Variants in YIPF6 observed in about 807,000 individuals in gnomAD.
YIPF6 encodes the protein Yip1 domain family member 6.
In YIPF6, 3 loss-of-function variants were observed where a neutral mutation model predicts 16.8. The observed-to-expected ratio is 0.18, with a 90% CI of 0.08 to 0.46. YIPF6 has a LOEUF of 0.46. Among genes scored for constraint, YIPF6 ranks in the 20% least tolerant of loss-of-function variants. The pLI is 0.98. For synonymous variants in YIPF6, 67 were observed against 61.9 expected (o/e 1.08, Z -0.38); for missense variants, 145 against 184.9 (o/e 0.78, Z 1.25).
chrX:68,517,649 G>C (rs765076409), intron 3 of YIPF6, among the ~76,000 whole-genome samples: 2 of 112,186 alleles, frequency 1.8e-5, no homozygotes, highest in Admixed American at 1.9e-4. Flanking sequence ...CAGTATGACA[G>C]AGTGGCAAGA....
intron 1 of YIPF6, among the ~76,000 whole-genome samples, chrX:68,506,463 G>A (rs1172346147): frequency 9.1e-6 from 1 of 110,285 alleles, no homozygotes; most frequent in Non-Finnish European, 1.9e-5. Context: ...ACTTTGGGAG[G>A]CCGAGATGGG....
Position 68,531,869 on chromosome X carries a change from T to C in YIPF6, c.593-12T>C. ...TTAAACATTCCTTTTTGTTTTGTCT[T>C]GTTTTGTTTAGCCTCCACAGCTTTC... is the stretch of plus-strand genomic sequence containing the variant. On this transcript the variant is annotated splice_polypyrimidine_tract_variant and intron_variant, in intron 6 of 6. Coordinates refer to ENST00000462683, the MANE Select transcript of YIPF6 (RefSeq NM_173834.4). 4 of 1,123,396 alleles carry C rather than the reference T, an allele frequency of 3.6e-6. No individual in the cohort carries two copies. Among genetic ancestry groups the C allele is most frequent in the Non-Finnish European group, 4.8e-6 (4 of 831,093 alleles). 92.6% of individuals were successfully genotyped at this position (1,123,396 alleles called of 1,213,427 possible). A position where few individuals can be genotyped will look rare whatever the true frequency, so the allele number is the denominator to read the frequency against.
intron 1 of YIPF6, among the ~76,000 whole-genome samples, chrX:68,502,029 A>G (rs1316172588): frequency 3.6e-5 from 4 of 112,536 alleles, no homozygotes; most frequent in Non-Finnish European, 5.6e-5. Context: ...CACACTTAAT[A>G]GAATGCCTGG....
chrX:68,503,642 G>A (rs2079048868), intron 1 of YIPF6, among the ~76,000 whole-genome samples: 2 of 111,495 alleles, frequency 1.8e-5, no homozygotes, highest in South Asian at 7.5e-4. Context: ...CCAACTACCT[G>A]GAGTTAGGCC....
rs2079188220 is a variant in YIPF6 at position 68,535,589 on chromosome X, T to C, written c.*3590T>C. The C allele has an allele frequency of 8.9e-6, 1 of 111,835 alleles. No individual in the cohort carries two copies. The highest frequency in any genetic ancestry group is 2.8e-4 in the East Asian group (1 of 3,559). 9.2% of individuals were successfully genotyped at this position (111,835 alleles called of 1,213,427 possible). A position where few individuals can be genotyped will look rare whatever the true frequency, so the allele number is the denominator to read the frequency against. Reference sequence around the variant, plus strand: ...AAATTAGAAACACTTTTCTAGATTCTGTAGGCTTTTGTTAAAAATAGAGAA... The same window carrying C: ...AAATTAGAAACACTTTTCTAGATTCCGTAGGCTTTTGTTAAAAATAGAGAA... On this transcript the variant is annotated 3_prime_UTR_variant, in exon 7 of 7. Coordinates refer to ENST00000462683, the MANE Select transcript of YIPF6 (RefSeq NM_173834.4).
chrX:68,514,847 C>T (rs900335204), intron 3 of YIPF6: 9 of 112,725 alleles, frequency 8.0e-5, no homozygotes, highest in African/African-American at 2.6e-4. Flanking sequence ...AAACAGACAG[C>T]GTCTCATTCT....
At chrX:68,512,194 T>C (rs1727867755) in intron 2 of YIPF6, among the ~76,000 whole-genome samples, 1 of 111,709 alleles carries the variant, frequency 9.0e-6, no homozygotes, top group South Asian at 3.7e-4. Flanking sequence ...GTGCGGTGGC[T>C]CGCGCCTGTA....
chrX:68,504,546 C>T (rs865928886), intron 1 of YIPF6, among the ~76,000 whole-genome samples: 4 of 111,825 alleles, frequency 3.6e-5, no homozygotes, highest in African/African-American at 1.3e-4. Context: ...AAATACTCCT[C>T]TGTCATTCAG....
chrX:68,530,680 C>A (rs939679801), intron 6 of YIPF6, among the ~76,000 whole-genome samples: 1 of 110,709 alleles, frequency 9.0e-6, no homozygotes, highest in Admixed American at 9.6e-5. Flanking sequence ...CACCGTTCCT[C>A]ATGGCACAGT....
At chrX:68,522,586 G>A (rs908803724) in intron 5 of YIPF6, among the ~76,000 whole-genome samples, 174 bp from the exon 6 acceptor site, 24 of 110,936 alleles carry the variant, frequency 2.2e-4, no homozygotes, top group African/African-American at 7.2e-4. Context: ...TATTACAGGC[G>A]TGAGCCATCG....
chrX:68,536,399 G>T lies in YIPF6; in HGVS notation c.*4400G>T, dbSNP rs2079191649. 9.0e-6 allele frequency: 1 copy of T among 111,462 alleles called. No individual in the cohort carries two copies. The highest frequency in any genetic ancestry group is 3.3e-5 in the African/African-American group (1 of 30,634). The allele number at this position is 111,462 out of a possible 1,213,427, so 9.2% of individuals were successfully genotyped here. A position where few individuals can be genotyped will look rare whatever the true frequency, so the allele number is the denominator to read the frequency against. Reference sequence around the variant, plus strand: ...TGAGAGGTTAAGTAAATTGCCCACGGTCACACAGTAATTTGATTTACAACA... The same window carrying T: ...TGAGAGGTTAAGTAAATTGCCCACGTTCACACAGTAATTTGATTTACAACA... On this transcript the variant is annotated 3_prime_UTR_variant, in exon 7 of 7. Transcript: ENST00000462683.
chrX:68,521,570 A>T, intron 5 of YIPF6, 73 bp downstream of exon 5: 1 of 1,065,662 alleles, frequency 9.4e-7, no homozygotes. Context: ...AATACAGGCT[A>T]GCTAGATTTT....
intron 1 of YIPF6, chrX:68,510,566 A>T (rs966864622): frequency 4.0e-4 from 41 of 101,711 alleles, no homozygotes; most frequent in African/African-American, 1.5e-3. Flanking sequence ...ATTTTATTTT[A>T]TTTTATTTTA....
chrX:68,521,561 A>G lies in YIPF6; in HGVS notation c.434+64A>G. Reference sequence around the variant, plus strand: ...CAGGTAGTATATCTTAGATTAAGGAATACAGGCTAGCTAGATTTTTTTTTT... The same window carrying G: ...CAGGTAGTATATCTTAGATTAAGGAGTACAGGCTAGCTAGATTTTTTTTTT... On this transcript the variant is annotated intron_variant, in intron 5 of 6. Transcript: ENST00000462683. 4 of 1,117,360 alleles carry G rather than the reference A, an allele frequency of 3.6e-6. No homozygotes were observed. The East Asian group carries it at 1.2e-4, about 34-fold the overall frequency. 92.1% of individuals were successfully genotyped at this position (1,117,360 alleles called of 1,213,427 possible).
intron 1 of YIPF6, among the ~76,000 whole-genome samples, chrX:68,508,347 G>C (rs2079067834): frequency 9.1e-6 from 1 of 110,321 alleles, no homozygotes; most frequent in Non-Finnish European, 1.9e-5. Flanking sequence ...CAAGCAATCT[G>C]TCTGCCTTGG....
chrX:68,507,135 A>G (rs903311839), intron 1 of YIPF6, among the ~76,000 whole-genome samples: 1 of 112,246 alleles, frequency 8.9e-6, no homozygotes, highest in African/African-American at 3.2e-5. Context: ...CTTTCATGCT[A>G]CAATGGCAGA....
chrX:68,522,638 G>A (rs1427898104), intron 5 of YIPF6, 122 bp from the exon 6 acceptor site: 1 of 650,610 alleles, frequency 1.5e-6, no homozygotes, highest in African/African-American at 2.3e-5. Context: ...ATGTTAGGAT[G>A]TAGATGTTAT....
intron 1 of YIPF6, 137 bp from the exon 2 acceptor site, chrX:68,511,712 G>A: frequency 3.3e-6 from 2 of 607,134 alleles, no homozygotes; most frequent in South Asian, 4.4e-5. Context: ...ATTGTGTAAT[G>A]TCTGTTGAGC....
At chrX:68,516,325 A>G (rs1159653869) in intron 3 of YIPF6, among the ~76,000 whole-genome samples, 1 of 111,333 alleles carries the variant, frequency 9.0e-6, no homozygotes, top group Non-Finnish European at 1.9e-5. Flanking sequence ...ATTGTTCTAT[A>G]TTTTTATATG....
Sources: gnomAD v4.1 joint callset for allele counts (sites outside exome capture counted in the v4.1 genomes callset) on GRCh38, gnomAD v4.1.1 for gene constraint, MANE v1.5 for transcripts, NCBI Gene and HGNC (gene_info 2026-07-23, HGNC 2026-07-21) for gene names.